The following ARHGAP18 variants were observed in gnomAD, a reference collection of about 807,000 sequenced individuals.
ARHGAP18 encodes the protein rho GTPase-activating protein 18.
Under a neutral mutation model 86.2 loss-of-function variants are expected in ARHGAP18, and 67 were observed. The observed-to-expected ratio is 0.78, with a 90% CI of 0.64 to 0.95. ARHGAP18 has a LOEUF of 0.95. Ranked by LOEUF, ARHGAP18 falls within the 40% of genes least tolerant of loss-of-function variation. The pLI is 0.00. For synonymous variants in ARHGAP18, 283 were observed against 280.4 expected (o/e 1.01, Z -0.09); for missense variants, 691 against 780.4 (o/e 0.89, Z 1.37).
At chr6:129,662,643 C>T (rs929250919) in intron 1 of ARHGAP18, among the ~76,000 whole-genome samples, 1 of 152,204 alleles carries the variant, frequency 6.6e-6, no homozygotes, top group Admixed American at 6.5e-5. Context: ...ACAAGCATGA[C>T]CTTGTAGCCA....
intron 1 of ARHGAP18, among the ~76,000 whole-genome samples, chr6:129,661,160 G>A (rs774056770): frequency 3.3e-5 from 5 of 151,484 alleles, no homozygotes; most frequent in Non-Finnish European, 2.9e-5. Context: ...AATTTGATAC[G>A]AGTGGAAGCA....
chr6:129,612,981 C>G, intron 7 of ARHGAP18, among the ~76,000 whole-genome samples: 1 of 152,074 alleles, frequency 6.6e-6, no homozygotes, highest in East Asian at 1.9e-4. Flanking sequence ...CCCCTGTAAT[C>G]CCAGCACTTT....
chr6:129,619,800 C>T (rs909527006), intron 5 of ARHGAP18, among the ~76,000 whole-genome samples: 6 of 151,924 alleles, frequency 3.9e-5, no homozygotes, highest in Non-Finnish European at 7.4e-5. Flanking sequence ...TAAGATTGGT[C>T]CAGAAAGGCT....
intron 1 of ARHGAP18, among the ~76,000 whole-genome samples, chr6:129,655,212 G>A (rs998499446): frequency 1.3e-4 from 19 of 151,250 alleles, no homozygotes; most frequent in Middle Eastern, 3.4e-3. Flanking sequence ...CCAGCTACTC[G>A]GGAGGCTGAG....
intron 1 of ARHGAP18, among the ~76,000 whole-genome samples, chr6:129,679,988 C>G (rs1044650131): frequency 6.6e-6 from 1 of 152,208 alleles, no homozygotes; most frequent in African/African-American, 2.4e-5. Context: ...TGACTTCAAT[C>G]TCCGCCTCCA....
intron 1 of ARHGAP18, among the ~76,000 whole-genome samples, chr6:129,642,472 A>G (rs941999774): frequency 2.6e-5 from 4 of 151,154 alleles, no homozygotes; most frequent in African/African-American, 9.7e-5. Context: ...TTTGGCAGAC[A>G]TGGGGTCTTG....
chr6:129,670,718 C>T (rs370418217), intron 1 of ARHGAP18, among the ~76,000 whole-genome samples: 1 of 150,772 alleles, frequency 6.6e-6, no homozygotes, highest in Non-Finnish European at 1.5e-5. Flanking sequence ...TGCCTCCCCC[C>T]ACCAAGACTT....
intron 5 of ARHGAP18, among the ~76,000 whole-genome samples, chr6:129,622,949 C>T (rs575232740): frequency 1.4e-4 from 19 of 137,642 alleles, no homozygotes; most frequent in East Asian, 6.4e-4. Flanking sequence ...TGCAGTGAGC[C>T]GAGATCGCGC....
chr6:129,607,900 A>G lies in ARHGAP18; in HGVS notation c.1275T>C (p.Ala425=), dbSNP rs1407685449. The change falls in exon 9 of 15, where the codon GCT becomes GCC. Residue 425 remains alanine (A), a synonymous_variant. Coordinates refer to ENST00000368149, the MANE Select transcript of ARHGAP18 (RefSeq NM_033515.3). ...AAGAGGGATAGCACTTACTCTGGACAGCCTGAAAGGCTTTGAGATACTCCA... is the reference window on the plus strand; with the variant it reads ...AAGAGGGATAGCACTTACTCTGGACGGCCTGAAAGGCTTTGAGATACTCCA... The part of the protein sequence containing the change: ...LSVEYLKAFQ[A]VQNLPTKKQQ... The G allele has an allele frequency of 6.2e-7, 1 of 1,602,826 alleles. No homozygotes were observed. The highest frequency in any genetic ancestry group is 8.5e-7 in the Non-Finnish European group (1 of 1,176,608).
intron 1 of ARHGAP18, among the ~76,000 whole-genome samples, chr6:129,663,056 T>C (rs1388990613): frequency 6.6e-6 from 1 of 152,198 alleles, no homozygotes; most frequent in African/African-American, 2.4e-5. Context: ...ATGAGGAAAC[T>C]GAGGCTTAGA....
intron 8 of ARHGAP18, among the ~76,000 whole-genome samples, chr6:129,610,920 G>A (rs996824079): frequency 6.6e-6 from 1 of 151,662 alleles, no homozygotes; most frequent in Admixed American, 6.6e-5. Context: ...AAGAAACAGG[G>A]TCTTATTGCT....
intron 13 of ARHGAP18, among the ~76,000 whole-genome samples, chr6:129,583,546 A>T (rs1263516925): frequency 6.6e-6 from 1 of 152,080 alleles, no homozygotes; most frequent in African/African-American, 2.4e-5. Flanking sequence ...TTTGTTTTTA[A>T]ATTTGACCAT....
rs1788223286 is a variant in ARHGAP18 at position 129,578,443 on chromosome 6, T to A, written c.*70A>T. 7.9e-7 allele frequency: 1 copy of A among 1,267,724 alleles called. No homozygotes were observed. Among genetic ancestry groups the A allele is most frequent in the Admixed American group, 1.9e-5 (1 of 53,690 alleles). The allele number at this position is 1,267,724 out of a possible 1,614,324, so 78.5% of individuals were successfully genotyped here. A position where few individuals can be genotyped will look rare whatever the true frequency, so the allele number is the denominator to read the frequency against. ...ATAATATGAGTCCTGCCATTTCTTT[T>A]ATTTACACTCTTGACTCAGCAAGAA... On this transcript the variant is annotated 3_prime_UTR_variant, in exon 15 of 15. Coordinates refer to ENST00000368149, the MANE Select transcript of ARHGAP18 (RefSeq NM_033515.3).
intron 1 of ARHGAP18, chr6:129,661,930 C>T (rs989710672): frequency 1.0e-6 from 1 of 985,192 alleles, no homozygotes; most frequent in African/African-American, 1.7e-5. Flanking sequence ...TCATCTGTGT[C>T]CTCTGTTTCC....
At chr6:129,660,426 A>G (rs1344626005) in intron 1 of ARHGAP18, among the ~76,000 whole-genome samples, 1 of 152,236 alleles carries the variant, frequency 6.6e-6, no homozygotes, top group African/African-American at 2.4e-5. Flanking sequence ...GAAGAAACAA[A>G]GATGATTCCA....
chr6:129,681,967 A>C (rs1774331577), intron 1 of ARHGAP18, among the ~76,000 whole-genome samples: 1 of 152,214 alleles, frequency 6.6e-6, no homozygotes, highest in Non-Finnish European at 1.5e-5. Flanking sequence ...CTTTCACTCC[A>C]GTGAAAAGCC....
intron 11 of ARHGAP18, 88 bp downstream of exon 11, chr6:129,600,554 A>T (rs1788715790): frequency 8.6e-7 from 1 of 1,159,098 alleles, no homozygotes; most frequent in East Asian, 2.5e-5. Context: ...TGCACTCACA[A>T]ATTTTAAATG....
chr6:129,674,138 A>C (rs974170922), intron 1 of ARHGAP18, among the ~76,000 whole-genome samples: 6 of 152,228 alleles, frequency 3.9e-5, no homozygotes, highest in African/African-American at 1.4e-4. Context: ...TATTCATTAA[A>C]ATTCTCATTA....
chr6:129,588,519 C>T (rs1212990356), intron 12 of ARHGAP18, among the ~76,000 whole-genome samples: 2 of 152,244 alleles, frequency 1.3e-5, no homozygotes, highest in Non-Finnish European at 2.9e-5. Flanking sequence ...GGCAGCTCTG[C>T]CCCTGTGGCT....
Sources: gnomAD v4.1 joint callset for allele counts (sites outside exome capture counted in the v4.1 genomes callset) on GRCh38, gnomAD v4.1.1 for gene constraint, MANE v1.5 for transcripts, NCBI Gene and HGNC (gene_info 2026-07-23, HGNC 2026-07-21) for gene names.